TENM1: variants seen among roughly 807,000 people sequenced by gnomAD.
TENM1 encodes the protein teneurin-1.
TENM1 carries 35 observed loss-of-function variants against 174.8 expected under a neutral mutation model. That is an observed-to-expected ratio of 0.20 (90% CI 0.15 to 0.27). The LOEUF is 0.27. Among genes scored for constraint, TENM1 ranks in the 10% least tolerant of loss-of-function variants. The pLI is 1.00. For missense variants in TENM1, 1,633 were observed against 2,130.1 expected (o/e 0.77, Z 4.59); for synonymous variants, 781 against 798.7 (o/e 0.98, Z 0.37).
At chrX:124,653,664 G>A in exon 7 of TENM1, 1 of 1,210,120 alleles carries the variant, frequency 8.3e-7, no homozygotes, top group Non-Finnish European at 1.1e-6. Flanking sequence ...TTGAACTTCA[G>A]ATATATTGGA....
chrX:124,544,925 GTT>G (rs973941295), intron 15 of TENM1, among the ~76,000 whole-genome samples: 22 of 110,847 alleles, frequency 2.0e-4, no homozygotes, highest in African/African-American at 7.4e-4. Context: ...ATGTATGTTT[GTT>G]TGCTTTGTAA....
chrX:124,975,529 T>C, the TENM1 span, among the ~76,000 whole-genome samples: 1 of 111,974 alleles, frequency 8.9e-6, no homozygotes. Flanking sequence ...ATAGCAAGTA[T>C]TAATCATAGC....
intron 15 of TENM1, among the ~76,000 whole-genome samples, chrX:124,535,251 C>T (rs759780652): frequency 1.8e-5 from 2 of 111,467 alleles, no homozygotes; most frequent in Non-Finnish European, 3.8e-5. Flanking sequence ...AGAACTGCTG[C>T]TTTAGGAAAA....
intron 3 of TENM1, among the ~76,000 whole-genome samples, chrX:124,750,585 T>C (rs1024653452): frequency 8.9e-6 from 1 of 112,006 alleles, no homozygotes; most frequent in Middle Eastern, 4.2e-3. Context: ...AGAGTCATTA[T>C]TGTTAAGAAT....
intron 22 of TENM1, among the ~76,000 whole-genome samples, chrX:124,460,589 G>A (rs1401002666): frequency 1.8e-5 from 2 of 110,371 alleles, no homozygotes; most frequent in Non-Finnish European, 3.8e-5. Flanking sequence ...ATAGTGGAGG[G>A]TGGGAGGAGG....
At chrX:124,384,144 G>A (rs1454984759) in exon 30 of TENM1, 2 of 1,209,695 alleles carry the variant, frequency 1.7e-6, no homozygotes, top group Non-Finnish European at 2.2e-6. Context: ...CTCGCGACAC[G>A]TCGCCCAAGC....
At chrX:124,399,520 C>T (rs1020182807) in intron 27 of TENM1, among the ~76,000 whole-genome samples, 2 of 112,203 alleles carry the variant, frequency 1.8e-5, no homozygotes, top group African/African-American at 3.3e-5. Context: ...TTTGCCCTTG[C>T]TTAAGTACTT....
Position 124,495,099 on chromosome X carries a change from T to C in TENM1, c.3695+1917A>G, listed in dbSNP as rs373502600. ...TGAGGAATCGCCACACTGACTTCCA[T>C]AATGGTTGAACTAGTTTACAGTCCC... is the stretch of plus-strand genomic sequence containing the variant. On this transcript the variant is annotated intron_variant, in intron 20 of 31. Transcript: ENST00000422452. Among the ~76,000 whole-genome samples the C allele has an allele frequency of 8.4e-5, 9 of 106,652 alleles. No homozygotes were observed. The South Asian group carries it at 3.6e-3, about 43-fold the overall frequency. The allele number at this position is 106,652 out of a possible 115,157, so 92.6% of individuals were successfully genotyped here. A position where few individuals can be genotyped will look rare whatever the true frequency, so the allele number is the denominator to read the frequency against.
At chrX:124,482,629 C>T (rs184044941) in intron 21 of TENM1, among the ~76,000 whole-genome samples, 13 of 111,918 alleles carry the variant, frequency 1.2e-4, no homozygotes, top group Non-Finnish European at 2.3e-4. Context: ...GTTATAATGG[C>T]AATCATATGA....
At chrX:124,606,218 T>G (rs777845848) in intron 11 of TENM1, among the ~76,000 whole-genome samples, 2 of 111,201 alleles carry the variant, frequency 1.8e-5, no homozygotes, top group South Asian at 3.7e-4. Flanking sequence ...TGGAAATTTT[T>G]CTTTTAACAA....
intron 3 of TENM1, among the ~76,000 whole-genome samples, chrX:124,794,894 T>C (rs2055269535): frequency 9.0e-6 from 1 of 111,234 alleles, no homozygotes; most frequent in Admixed American, 9.6e-5. Flanking sequence ...ACAGGCCCTT[T>C]GCATATGCCG....
chrX:124,586,973 A>G (rs2049540496), intron 11 of TENM1, among the ~76,000 whole-genome samples: 1 of 111,144 alleles, frequency 9.0e-6, no homozygotes, highest in Admixed American at 9.6e-5. Context: ...TTGGAATCCA[A>G]CCTACAAAGG....
At chrX:124,594,094 C>G (rs1056100579) in intron 11 of TENM1, among the ~76,000 whole-genome samples, 2 of 112,141 alleles carry the variant, frequency 1.8e-5, no homozygotes, top group African/African-American at 6.5e-5. Flanking sequence ...CTCCAAGCCT[C>G]TTTCTAAGTT....
At chrX:125,080,314 T>C in the TENM1 span, among the ~76,000 whole-genome samples, 2 of 112,174 alleles carry the variant, frequency 1.8e-5, no homozygotes, top group Non-Finnish European at 3.8e-5. Flanking sequence ...GTTTCTTGAA[T>C]GGCACAGCTT....
chrX:125,049,608 A>G, the TENM1 span, among the ~76,000 whole-genome samples: 3 of 112,057 alleles, frequency 2.7e-5, no homozygotes, highest in African/African-American at 9.7e-5. Flanking sequence ...TTGTGAGGCA[A>G]TGACAAACTT....
the TENM1 span, among the ~76,000 whole-genome samples, chrX:125,049,827 T>C: frequency 4.5e-5 from 5 of 111,026 alleles, no homozygotes; most frequent in Non-Finnish European, 9.5e-5. Context: ...GTGTGTTTTC[T>C]TTAGAGATCT....
intron 22 of TENM1, among the ~76,000 whole-genome samples, chrX:124,464,268 T>G (rs1036746949): frequency 3.6e-5 from 4 of 111,490 alleles, no homozygotes; most frequent in African/African-American, 1.3e-4. Flanking sequence ...CTAGGGAAAA[T>G]GAGTCTATCT....
At chrX:124,907,640 T>C (rs7880803) in intron 1 of TENM1, among the ~76,000 whole-genome samples, 11,050 of 111,505 alleles carry the variant, frequency 0.099, 1,308 homozygotes, top group African/African-American at 0.34. Flanking sequence ...TGAAGCCCTA[T>C]TATTTAAAAA....
At chrX:124,687,552 A>T (rs1035024473) in intron 5 of TENM1, among the ~76,000 whole-genome samples, 9 of 112,321 alleles carry the variant, frequency 8.0e-5, no homozygotes, top group Non-Finnish European at 1.5e-4. Context: ...GCCAAAAGCA[A>T]TTGCAACAAA....
Sources: gnomAD v4.1 joint callset for allele counts (sites outside exome capture counted in the v4.1 genomes callset) on GRCh38, gnomAD v4.1.1 for gene constraint, MANE v1.5 for transcripts, NCBI Gene and HGNC (gene_info 2026-07-23, HGNC 2026-07-21) for gene names.